Variants in RIPOR2 observed in about 807,000 individuals in gnomAD.
RIPOR2 encodes RHO family interacting cell polarization regulator 2.
In RIPOR2, 39 loss-of-function variants were observed where a neutral mutation model predicts 114.5. That is an observed-to-expected ratio of 0.34 (90% CI 0.26 to 0.44). The LOEUF (loss-of-function observed/expected upper bound fraction) is 0.44. Among genes scored for constraint, RIPOR2 ranks in the 20% least tolerant of loss-of-function variants. The probability of loss-of-function intolerance (pLI) is 1.00; values close to 1 mark genes in which losing one functional copy is unlikely to be tolerated. For missense variants in RIPOR2, 1,007 were observed against 1,255.1 expected (o/e 0.80, Z 2.99); for synonymous variants, 445 against 484.4 (o/e 0.92, Z 1.07).
intron 8 of RIPOR2, among the ~76,000 whole-genome samples, chr6:24,853,671 T>G (rs1763172182): frequency 6.6e-6 from 1 of 152,218 alleles, no homozygotes; most frequent in Non-Finnish European, 1.5e-5. Context: ...GGTAACAGTG[T>G]CCACTTCATA....
At chr6:24,953,636 G>T (rs1459980385) in intron 1 of RIPOR2, among the ~76,000 whole-genome samples, 2 of 152,216 alleles carry the variant, frequency 1.3e-5, no homozygotes, top group East Asian at 3.9e-4. Context: ...ATCCTTCTCT[G>T]CTGAAGCGGG....
chr6:25,028,882 G>A (rs1232322635), intron 1 of RIPOR2, among the ~76,000 whole-genome samples: 1 of 152,234 alleles, frequency 6.6e-6, no homozygotes, highest in African/African-American at 2.4e-5. Context: ...CTGATTTGAT[G>A]TGGGATGAGG....
chr6:24,904,814 GCC>G (rs1304511642), intron 1 of RIPOR2, among the ~76,000 whole-genome samples: 1 of 152,158 alleles, frequency 6.6e-6, no homozygotes, highest in Non-Finnish European at 1.5e-5. Context: ...TCGCTTTGTT[GCC>G]CAGGCTGGAG....
At chr6:24,899,823 C>A (rs982149271) in intron 1 of RIPOR2, among the ~76,000 whole-genome samples, 1 of 152,126 alleles carries the variant, frequency 6.6e-6, no homozygotes, top group African/African-American at 2.4e-5. Context: ...AGGCGTCAAT[C>A]GTTTGCAAGA....
intron 1 of RIPOR2, among the ~76,000 whole-genome samples, chr6:24,917,204 G>C (rs971976337): frequency 2.0e-5 from 3 of 151,896 alleles, no homozygotes; most frequent in African/African-American, 7.3e-5. Flanking sequence ...TTGGTCCCAA[G>C]ACCATTTTAT....
At chr6:24,829,595 C>G (rs919783323) in intron 17 of RIPOR2, among the ~76,000 whole-genome samples, 1 of 152,172 alleles carries the variant, frequency 6.6e-6, no homozygotes, top group East Asian at 1.9e-4. Flanking sequence ...TCACTGCGTT[C>G]CCCCTGGATG....
At chr6:24,809,678 G>T (rs776981241) in intron 21 of RIPOR2, 39 bp downstream of exon 21, 39 of 1,342,314 alleles carry the variant, frequency 2.9e-5, no homozygotes, top group Non-Finnish European at 2.6e-5. Context: ...GAGAGTGCCA[G>T]AAGCAAACAA....
chr6:24,852,614 C>G lies in RIPOR2; in HGVS notation c.720G>C (p.Leu240=). ...CAGGACAGAGGCGTGCAAAGCCAGC[C>G]AGACCTGTAACCAAGAAATTGGAAG... ...LGEFSIKMKG[L]AGFARLCPGD... The change falls in exon 9 of 22, where the codon CTG becomes CTC. Residue 240 remains leucine, a synonymous_variant. Transcript: ENST00000643898. 6.3e-7 allele frequency: 1 copy of G among 1,590,670 alleles called. No homozygotes were observed. Among genetic ancestry groups the G allele is most frequent in the Non-Finnish European group, 8.5e-7 (1 of 1,172,986 alleles).
intron 1 of RIPOR2, chr6:24,911,097 G>T: frequency 2.0e-6 from 1 of 505,862 alleles, no homozygotes; most frequent in Non-Finnish European, 2.6e-6. Flanking sequence ...CGGAGCTAGA[G>T]CGGCGGAGCG....
At chr6:24,839,537 G>A (rs1761430799) in intron 13 of RIPOR2, 12 of 1,410,848 alleles carry the variant, frequency 8.5e-6, no homozygotes, top group Admixed American at 2.2e-5. Context: ...TTGGCCATGA[G>A]TTGATCACTG....
At chr6:24,821,275 C>A (rs375495107) in intron 19 of RIPOR2, among the ~76,000 whole-genome samples, 1 of 151,210 alleles carries the variant, frequency 6.6e-6, no homozygotes, top group Non-Finnish European at 1.5e-5. Context: ...CTCTGCCTCC[C>A]GGGTTCAAGC....
At chr6:25,025,897 CTG>C (rs1282781289) in intron 1 of RIPOR2, among the ~76,000 whole-genome samples, 1 of 152,180 alleles carries the variant, frequency 6.6e-6, no homozygotes, top group African/African-American at 2.4e-5. Context: ...GACTGGAAGA[CTG>C]TGATACATTG....
chr6:24,948,609 G>A (rs369793573), intron 1 of RIPOR2, among the ~76,000 whole-genome samples: 125 of 151,064 alleles, frequency 8.3e-4, no homozygotes, highest in African/African-American at 2.7e-3. Flanking sequence ...TCGGTTCACC[G>A]CAACCTCTGC....
Position 24,875,667 on chromosome 6 carries a change from G to A in RIPOR2, c.188+24C>T, listed in dbSNP as rs554534401. 2.4e-5 allele frequency: 38 copies of A among 1,603,908 alleles called. No homozygotes were observed. The Admixed American group carries it at 2.7e-4, about 12-fold the overall frequency. ...TCACTTCCTTGGCAAGCTGCATCCCGGGAGAGAACCACACAGTACTTGCCT... is the reference window on the plus strand; with the variant it reads ...TCACTTCCTTGGCAAGCTGCATCCCAGGAGAGAACCACACAGTACTTGCCT... On this transcript the variant is annotated intron_variant, in intron 2 of 21. Coordinates refer to ENST00000643898, the MANE Select transcript of RIPOR2 (RefSeq NM_001286445.3).
rs1350085417 is a variant in RIPOR2, at chr6:24,847,806, C to A, written c.1164+219G>T. On this transcript the variant is annotated intron_variant, in intron 12 of 21. Coordinates refer to ENST00000643898, the MANE Select transcript of RIPOR2 (RefSeq NM_001286445.3). ...ACAAGGAGGCTATTATTTATATGCA[C>A]TTCTTTAAAAGGCTGATCTTAGAGA... The A allele has an allele frequency of 1.3e-5, 16 of 1,200,076 alleles. No homozygotes were observed. The South Asian group carries it at 2.5e-4, about 19-fold the overall frequency. 74.3% of individuals were successfully genotyped at this position (1,200,076 alleles called of 1,614,324 possible).
upstream of RIPOR2, among the ~76,000 whole-genome samples, chr6:24,937,250 A>G (rs1468317797): frequency 1.3e-5 from 2 of 152,156 alleles, no homozygotes; most frequent in African/African-American, 4.8e-5. Context: ...GAGCTTGGAA[A>G]TGTCTGGGGT....
At chr6:25,011,505 A>T (rs1380920527) in intron 1 of RIPOR2, among the ~76,000 whole-genome samples, 1 of 152,160 alleles carries the variant, frequency 6.6e-6, no homozygotes, top group African/African-American at 2.4e-5. Context: ...CTTTTCCACA[A>T]AGGAAAACTT....
intron 1 of RIPOR2, among the ~76,000 whole-genome samples, chr6:24,990,147 T>G (rs1252438963): frequency 1.3e-5 from 2 of 152,252 alleles, no homozygotes; most frequent in Non-Finnish European, 2.9e-5. Flanking sequence ...TTCCTGGACA[T>G]TTTCTCAAAT....
intron 1 of RIPOR2, among the ~76,000 whole-genome samples, chr6:25,010,401 C>T (rs898958034): frequency 4.6e-5 from 7 of 152,108 alleles, no homozygotes; most frequent in East Asian, 1.9e-4. Context: ...AGCAGTCTGA[C>T]GCCTTCACCA....
Sources: allele counts gnomAD v4.1 joint callset (sites outside exome capture counted in the v4.1 genomes callset), GRCh38; gene constraint gnomAD v4.1.1; transcripts MANE v1.5; gene names NCBI Gene and HGNC (gene_info 2026-07-23, HGNC 2026-07-21).